The following SLF1 variants were observed in gnomAD, a reference collection of about 807,000 sequenced individuals.
SLF1 encodes SMC5/6 complex localization factor 1.
Under a neutral mutation model 123.0 loss-of-function variants are expected in SLF1, and 105 were observed. The ratio of observed to expected loss-of-function variants is 0.85; its 90% CI spans 0.73 to 1.00. The LOEUF is 1.00. Among genes scored for constraint, SLF1 ranks in the 50% least tolerant of loss-of-function variants. The probability of loss-of-function intolerance (pLI) is 0.00; values close to 1 mark genes in which losing one functional copy is unlikely to be tolerated. For synonymous variants in SLF1, 434 were observed against 406.6 expected (o/e 1.07, Z -0.81); for missense variants, 1,239 against 1,223.0 (o/e 1.01, Z -0.20).
At chr5:94,649,741 T>C (rs543893965) in intron 6 of SLF1, 144 bp downstream of exon 6, 1 of 748,492 alleles carries the variant, frequency 1.3e-6, no homozygotes, top group South Asian at 4.0e-5. Context: ...CTTGAACATG[T>C]TAGGAAATTG....
chr5:94,688,152 A>C (rs1752668107), intron 16 of SLF1, among the ~76,000 whole-genome samples: 1 of 152,058 alleles, frequency 6.6e-6, no homozygotes, highest in Admixed American at 6.6e-5. Flanking sequence ...GCATTATCAG[A>C]ATGGAAATTA....
At chr5:94,622,098 C>A (rs1791849701) in intron 1 of SLF1, among the ~76,000 whole-genome samples, 1 of 152,212 alleles carries the variant, frequency 6.6e-6, no homozygotes, top group Non-Finnish European at 1.5e-5. Context: ...ATTTTATACA[C>A]ACAGTATAAG....
At chr5:94,663,936 C>A in intron 11 of SLF1, 28 bp downstream of exon 11, 1 of 1,445,320 alleles carries the variant, frequency 6.9e-7, no homozygotes, top group Non-Finnish European at 9.1e-7. Flanking sequence ...GATTTATAAT[C>A]TTTTTTTCAA....
chr5:94,653,886 A>G (rs1490923295), intron 8 of SLF1, among the ~76,000 whole-genome samples: 3 of 150,374 alleles, frequency 2.0e-5, no homozygotes, highest in Non-Finnish European at 4.4e-5. Flanking sequence ...AAACCATACC[A>G]TGGGCTGGAT....
rs940295969 is a variant in SLF1, at chr5:94,687,966, AATT to A, written c.2122-536_2122-534del. Among the ~76,000 whole-genome samples, 246 of 147,792 alleles carry A rather than the reference AATT, an allele frequency of 1.7e-3. 2 individuals are homozygous for A. The highest frequency in any genetic ancestry group is 5.3e-3 in the African/African-American group (215 of 40,590). On this transcript the variant is annotated intron_variant, in intron 16 of 20. Transcript: ENST00000265140. ...TCTTTAGATATTAATATTTAATAAT[AATT>A]ATTTATTATTATTAATAAGGCAATA...
At chr5:94,636,084 C>T (rs1158154591) in intron 4 of SLF1, among the ~76,000 whole-genome samples, 1 of 152,030 alleles carries the variant, frequency 6.6e-6, no homozygotes, top group Non-Finnish European at 1.5e-5. Flanking sequence ...AGTTTTTTTC[C>T]TTTATCACTT....
intron 1 of SLF1, among the ~76,000 whole-genome samples, chr5:94,624,895 T>G (rs1421025215): frequency 6.6e-6 from 1 of 151,894 alleles, no homozygotes; most frequent in Non-Finnish European, 1.5e-5. Context: ...TTTAAAACTC[T>G]TGTATTCCTC....
rs191743496 is a variant in SLF1, at chr5:94,625,266, C to T, written c.1-3545C>T. ...TGATAACAGTGGTTTTTGATAAAACCAATTAGATAAAAACAAGTATTGATT... is the reference window on the plus strand; with the variant it reads ...TGATAACAGTGGTTTTTGATAAAACTAATTAGATAAAAACAAGTATTGATT... On this transcript the variant is annotated intron_variant, in intron 1 of 20. Transcript: ENST00000265140. Among the ~76,000 whole-genome samples, 8 of 151,518 alleles carry T rather than the reference C, an allele frequency of 5.3e-5. No individual in the cohort carries two copies. The East Asian group carries it at 1.6e-3, about 29-fold the overall frequency.
chr5:94,618,704 C>T lies in SLF1; in HGVS notation c.-62C>T, dbSNP rs1390288771. ...GGATTCGTGAAGCAGTTGAGTGCTG[C>T]AGCGGCAGTCGTCGCCCCTGCCGCC... is the stretch of plus-strand genomic sequence containing the variant. On this transcript the variant is annotated 5_prime_UTR_variant, in exon 1 of 21. Coordinates refer to ENST00000265140, the MANE Select transcript of SLF1 (RefSeq NM_032290.4). The T allele has an allele frequency of 6.5e-6, 1 of 154,858 alleles. No homozygotes were observed. The highest frequency in any genetic ancestry group is 1.5e-5 in the Non-Finnish European group (1 of 68,320). 9.6% of individuals were successfully genotyped at this position (154,858 alleles called of 1,614,324 possible).
rs1021934536 is a variant in SLF1 at position 94,631,970 on chromosome 5, C to CTT, written c.431+1244_431+1245dup. On this transcript the variant is annotated intron_variant, in intron 4 of 20. Transcript: ENST00000265140. ...GTCTCTACAAAATTTTTTTTTCTTTCTTTTTTTTTTTTTTTTTTCCAAATT... is the reference window on the plus strand; with the variant it reads ...GTCTCTACAAAATTTTTTTTTCTTTCTTTTTTTTTTTTTTTTTTTTCCAAATT... Among the ~76,000 whole-genome samples, 232 of 108,742 alleles carry CTT rather than the reference C, an allele frequency of 2.1e-3. 2 individuals are homozygous for CTT. Among genetic ancestry groups the CTT allele is most frequent in the African/African-American group, 7.5e-3 (224 of 30,010 alleles). The allele number at this position is 108,742 out of a possible 152,430, so 71.3% of individuals were successfully genotyped here.
intron 5 of SLF1, among the ~76,000 whole-genome samples, chr5:94,648,098 C>G (rs1244633181): frequency 6.6e-6 from 1 of 152,152 alleles, no homozygotes; most frequent in Non-Finnish European, 1.5e-5. Context: ...GATTTATCCT[C>G]CCATTACCAA....
At chr5:94,677,364 T>C (rs1187346231) in intron 14 of SLF1, among the ~76,000 whole-genome samples, 1 of 152,158 alleles carries the variant, frequency 6.6e-6, no homozygotes, top group Non-Finnish European at 1.5e-5. Flanking sequence ...GTAAAAGGCA[T>C]GTGAAAAGGT....
intron 4 of SLF1, among the ~76,000 whole-genome samples, chr5:94,637,445 A>T (rs1745942412): frequency 6.6e-6 from 1 of 152,192 alleles, no homozygotes; most frequent in Non-Finnish European, 1.5e-5. Flanking sequence ...AATTGTCTCC[A>T]GTTGGGCCAG....
intron 7 of SLF1, 55 bp downstream of exon 7, chr5:94,651,900 AAC>A: frequency 1.1e-6 from 1 of 918,634 alleles, no homozygotes; most frequent in Non-Finnish European, 1.5e-6. Context: ...GTGTTTATAG[AAC>A]AGTTTTCTTT....
chr5:94,672,463 C>T (rs1033633210), intron 14 of SLF1, among the ~76,000 whole-genome samples: 1 of 151,664 alleles, frequency 6.6e-6, no homozygotes, highest in Non-Finnish European at 1.5e-5. Context: ...CCCTCTTTCT[C>T]TCCCTCTACC....
At chr5:94,624,358 T>C (rs1792047721) in intron 1 of SLF1, among the ~76,000 whole-genome samples, 1 of 152,200 alleles carries the variant, frequency 6.6e-6, no homozygotes, top group Admixed American at 6.5e-5. Flanking sequence ...TACTATGGGC[T>C]CTTGCTTTGA....
chr5:94,660,192 G>A (rs560858754), intron 9 of SLF1, among the ~76,000 whole-genome samples: 1 of 152,296 alleles, frequency 6.6e-6, no homozygotes, highest in East Asian at 1.9e-4. Context: ...TGGTGAATGG[G>A]TGGGTTGATC....
Position 94,692,095 on chromosome 5 carries a change from T to C in SLF1, c.2534T>C (p.Leu845Ser). 6.2e-7 allele frequency: 1 copy of C among 1,613,610 alleles called. No individual in the cohort carries two copies. The highest frequency in any genetic ancestry group is 8.5e-7 in the Non-Finnish European group (1 of 1,179,664). Residue 845 changes from leucine (L) to serine (S), a missense_variant, in exon 20 of 21, where the codon TTG becomes TCG. Transcript: ENST00000265140. ...NVKDNAGWTP[L>S]HEACNYGNTV... Reference sequence around the variant, plus strand: ...TTAGACAATGCTGGCTGGACGCCTTTGCATGAAGCCTGTAACTATGGCAAC... The same window carrying C: ...TTAGACAATGCTGGCTGGACGCCTTCGCATGAAGCCTGTAACTATGGCAAC...
At position 94,629,112 on chromosome 5, in the gene SLF1, T is replaced by C. The variant is rs1215698537; in HGVS notation, c.135T>C (p.His45=). The C allele has an allele frequency of 7.1e-6, 11 of 1,548,792 alleles. No individual in the cohort carries two copies. The highest frequency in any genetic ancestry group is 9.6e-6 in the Non-Finnish European group (11 of 1,145,954). ...TCCAGAAATACAAAAATTGTACACA[T>C]CTTATAGCTGAACGCCTATGTAAGA... ...IKSEKYKNCT[H]LIAERLCKSE... Residue 45 remains histidine (H), a synonymous_variant, in exon 3 of 21, where the codon CAT becomes CAC. Transcript: ENST00000265140.
Sources: gnomAD v4.1 joint callset for allele counts (sites outside exome capture counted in the v4.1 genomes callset) on GRCh38, gnomAD v4.1.1 for gene constraint, MANE v1.5 for transcripts, NCBI Gene and HGNC (gene_info 2026-07-23, HGNC 2026-07-21) for gene names.